CNTN5: variants seen among roughly 807,000 people sequenced by gnomAD.
CNTN5 encodes the protein contactin 5, also known as contactin-5.
Under a neutral mutation model 129.1 loss-of-function variants are expected in CNTN5, and 77 were observed. The ratio of observed to expected loss-of-function variants is 0.60; its 90% CI spans 0.50 to 0.72. The LOEUF (loss-of-function observed/expected upper bound fraction) is 0.72, where lower values mean the gene tolerates loss of function less well. Among genes scored for constraint, CNTN5 ranks in the 30% least tolerant of loss-of-function variants. CNTN5 has a pLI of 0.00. For synonymous variants in CNTN5, 509 were observed against 465.6 expected, an observed-to-expected ratio of 1.09 and a Z score of -1.20; for missense variants, 1,478 against 1,328.8, an observed-to-expected ratio of 1.11 and a Z score of -1.75.
intron 3 of CNTN5, among the ~76,000 whole-genome samples, chr11:99,570,872 C>A (rs1045946918): frequency 6.6e-6 from 1 of 152,034 alleles, no homozygotes; most frequent in African/African-American, 2.4e-5. Context: ...TAAGGAAAAA[C>A]GCAATGAACA....
intron 9 of CNTN5, among the ~76,000 whole-genome samples, chr11:100,046,054 C>A (rs1245572211): frequency 1.4e-5 from 2 of 147,494 alleles, no homozygotes; most frequent in Non-Finnish European, 3.0e-5. Context: ...TGTGCTGCAC[C>A]CATTAACTCA....
chr11:99,696,914 A>C, intron 3 of CNTN5, among the ~76,000 whole-genome samples: 1 of 151,950 alleles, frequency 6.6e-6, no homozygotes, highest in East Asian at 1.9e-4. Context: ...AAAGAACTTA[A>C]GTTTAAAGAC....
intron 2 of CNTN5, among the ~76,000 whole-genome samples, chr11:99,421,670 T>C (rs1409872009): frequency 6.6e-6 from 1 of 152,194 alleles, no homozygotes; most frequent in Non-Finnish European, 1.5e-5. Flanking sequence ...TTCAAAATAT[T>C]ATGAGCTTTA....
At chr11:100,284,178 C>T (rs1950712137) in intron 18 of CNTN5, among the ~76,000 whole-genome samples, 1 of 152,134 alleles carries the variant, frequency 6.6e-6, no homozygotes, top group Admixed American at 6.5e-5. Flanking sequence ...GTTTTTCCTA[C>T]CTCTTCAGTG....
chr11:99,140,134 C>T (rs910195412), intron 1 of CNTN5, among the ~76,000 whole-genome samples: 10 of 152,012 alleles, frequency 6.6e-5, no homozygotes, highest in African/African-American at 1.7e-4. Flanking sequence ...AGCAAAAATA[C>T]ATATAGAATT....
In CNTN5 at chr11:100,083,287, A is replaced by C. The variant is rs1420986002; in HGVS notation, c.1580+8993A>C. On this transcript the variant is annotated intron_variant, in intron 13 of 24. Transcript: ENST00000524871. ...AGCTGATATTGTACCACTGTACTCC[A>C]GCTTGGGCAATGAGAGCAAAACTCT... Among the ~76,000 whole-genome samples the C allele has an allele frequency of 4.0e-4, 59 of 149,228 alleles. 2 individuals carry two copies. In the Admixed American group the frequency reaches 4.0e-3, roughly 10 times the overall value.
intron 1 of CNTN5, among the ~76,000 whole-genome samples, chr11:99,215,652 G>T (rs1373622181): frequency 6.6e-6 from 1 of 152,108 alleles, no homozygotes; most frequent in Non-Finnish European, 1.5e-5. Flanking sequence ...ACTGAAGTTG[G>T]CTAACAGAAA....
intron 3 of CNTN5, among the ~76,000 whole-genome samples, chr11:99,626,079 A>G (rs1951121394): frequency 6.6e-6 from 1 of 152,086 alleles, no homozygotes; most frequent in Admixed American, 6.6e-5. Context: ...AAGGACACAC[A>G]GAGATGTGTT....
chr11:100,355,771 A>G (rs1393657376), intron 24 of CNTN5, among the ~76,000 whole-genome samples: 1 of 151,682 alleles, frequency 6.6e-6, no homozygotes, highest in Non-Finnish European at 1.5e-5. Flanking sequence ...ATTGCCACAA[A>G]TTTTGTAATT....
chr11:99,248,650 A>G (rs752032196), intron 1 of CNTN5, among the ~76,000 whole-genome samples: 3 of 152,216 alleles, frequency 2.0e-5, no homozygotes, highest in Admixed American at 6.5e-5. Context: ...TAAGAAATGT[A>G]AGGAAGGGAT....
chr11:100,341,266 G>A, intron 23 of CNTN5, 61 bp downstream of exon 23: 1 of 1,256,484 alleles, frequency 8.0e-7, no homozygotes, highest in Non-Finnish European at 1.2e-6. Context: ...TTATGAAGAT[G>A]GAAAATTAAT....
At chr11:99,920,396 A>AG (rs1949907220) in intron 7 of CNTN5, among the ~76,000 whole-genome samples, 1 of 152,092 alleles carries the variant, frequency 6.6e-6, no homozygotes, top group Non-Finnish European at 1.5e-5. Flanking sequence ...TAAATATCTA[A>AG]AATCTCCCTA....
intron 13 of CNTN5, among the ~76,000 whole-genome samples, chr11:100,142,867 C>T (rs1440445661): frequency 6.6e-6 from 1 of 152,018 alleles, no homozygotes; most frequent in East Asian, 1.9e-4. Context: ...TGCCAAACAA[C>T]CACAGATTGT....
chr11:100,165,929 G>A (rs1947617332), intron 13 of CNTN5, among the ~76,000 whole-genome samples: 1 of 151,710 alleles, frequency 6.6e-6, no homozygotes, highest in African/African-American at 2.4e-5. Flanking sequence ...ACTAAGGAAG[G>A]ATTTTAAGCC....
intron 1 of CNTN5, among the ~76,000 whole-genome samples, chr11:99,047,245 G>A (rs1864249574): frequency 6.6e-6 from 1 of 151,712 alleles, no homozygotes; most frequent in Non-Finnish European, 1.5e-5. Context: ...TACATATTAA[G>A]AACTTACTAT....
At chr11:100,158,217 CA>C (rs1947322054) in intron 13 of CNTN5, among the ~76,000 whole-genome samples, 1 of 151,684 alleles carries the variant, frequency 6.6e-6, no homozygotes. Context: ...AAACCAAAAT[CA>C]AAACGAACAA....
rs184165692 is a variant in CNTN5 at position 99,809,287 on chromosome 11, C to G, written c.56-10257C>G. Among the ~76,000 whole-genome samples, 255 of 152,266 alleles carry G rather than the reference C, an allele frequency of 1.7e-3. 1 individual carries two copies. Among genetic ancestry groups the G allele is most frequent in the Non-Finnish European group, 2.4e-3 (165 of 68,020 alleles). On this transcript the variant is annotated intron_variant, in intron 3 of 24. Transcript: ENST00000524871. The stretch of plus-strand genomic sequence containing the variant: ...TGAGTATAGTTTTATCTGAGTGGCT[C>G]TGTTGCTAAGTTTTGTTGAAATTCC...
chr11:100,161,265 T>A (rs1276493984), intron 13 of CNTN5, among the ~76,000 whole-genome samples: 1 of 151,732 alleles, frequency 6.6e-6, no homozygotes, highest in Non-Finnish European at 1.5e-5. Flanking sequence ...AATTGTGGGG[T>A]CCCCTTGAAG....
At chr11:99,028,297 T>C (rs1252415803) in intron 1 of CNTN5, among the ~76,000 whole-genome samples, 1 of 151,898 alleles carries the variant, frequency 6.6e-6, no homozygotes, top group Non-Finnish European at 1.5e-5. Context: ...ATTAATTTAC[T>C]CACATAAATG....
Sources: allele counts gnomAD v4.1 joint callset (sites outside exome capture counted in the v4.1 genomes callset), GRCh38; gene constraint gnomAD v4.1.1; transcripts MANE v1.5; gene names NCBI Gene and HGNC (gene_info 2026-07-23, HGNC 2026-07-21).